GABRB3: variants seen among roughly 807,000 people sequenced by gnomAD.
GABRB3 encodes gamma-aminobutyric acid type A receptor subunit beta3.
GABRB3 carries 14 observed loss-of-function variants against 52.1 expected under a neutral mutation model. The ratio of observed to expected loss-of-function variants is 0.27; its 90% CI spans 0.18 to 0.42. GABRB3 has a LOEUF of 0.42. GABRB3 is among the 10% of genes least tolerant of loss of function. The pLI is 1.00. For synonymous variants in GABRB3, 260 were observed against 232.3 expected (o/e 1.12, Z -1.08); for missense variants, 307 against 609.1 (o/e 0.50, Z 5.22).
chr15:26,753,735 G>A (rs1890579822), intron 3 of GABRB3, among the ~76,000 whole-genome samples: 1 of 152,180 alleles, frequency 6.6e-6, no homozygotes, highest in African/African-American at 2.4e-5. Flanking sequence ...TTTTAGAAAG[G>A]AGACAGTGAA....
intron 3 of GABRB3, among the ~76,000 whole-genome samples, chr15:26,761,063 G>C (rs576210791): frequency 6.6e-6 from 1 of 152,228 alleles, no homozygotes; most frequent in African/African-American, 2.4e-5. Flanking sequence ...GCTACTATTA[G>C]TGACTATTCC....
At chr15:26,623,440 A>G (rs1047431767) in intron 3 of GABRB3, among the ~76,000 whole-genome samples, 16 of 151,992 alleles carry the variant, frequency 1.1e-4, no homozygotes, top group African/African-American at 3.6e-4. Context: ...GGCCCCTTCC[A>G]GGGCTGGCTA....
intron 4 of GABRB3, among the ~76,000 whole-genome samples, chr15:26,606,480 A>G (rs190411266): frequency 3.3e-4 from 51 of 152,252 alleles, no homozygotes; most frequent in Non-Finnish European, 1.5e-5. Flanking sequence ...TTCTCAACAT[A>G]TTAGGAATAG....
At chr15:26,740,729 G>A (rs1240884559) in intron 3 of GABRB3, among the ~76,000 whole-genome samples, 1 of 152,178 alleles carries the variant, frequency 6.6e-6, no homozygotes, top group Non-Finnish European at 1.5e-5. Context: ...TCAGGCAATA[G>A]GAGCCACATC....
In GABRB3 at chr15:26,555,171, G is replaced by A. The variant is rs372725497; in HGVS notation, c.1080+5761C>T. ...TGCACTCCAGCCTGGGCGACAGAGCGAGACTCCGTCATAAAAACAAAACAA... is the reference window on the plus strand; with the variant it reads ...TGCACTCCAGCCTGGGCGACAGAGCAAGACTCCGTCATAAAAACAAAACAA... On this transcript the variant is annotated intron_variant, in intron 8 of 8. Coordinates refer to ENST00000311550, the MANE Select transcript of GABRB3 (RefSeq NM_000814.6). Among the ~76,000 whole-genome samples, 8 of 152,240 alleles carry A rather than the reference G, an allele frequency of 5.3e-5. No individual in the cohort carries two copies. In the East Asian group the frequency reaches 1.2e-3, roughly 22 times the overall value.
chr15:26,575,637 AT>A (rs1890567711), intron 6 of GABRB3, among the ~76,000 whole-genome samples: 1 of 152,202 alleles, frequency 6.6e-6, no homozygotes, highest in African/African-American at 2.4e-5. Flanking sequence ...GAGTGCATGT[AT>A]TTACAAACAG....
intron 3 of GABRB3, among the ~76,000 whole-genome samples, chr15:26,703,241 C>T (rs1340766671): frequency 1.3e-5 from 2 of 152,152 alleles, no homozygotes; most frequent in African/African-American, 4.8e-5. Flanking sequence ...TTCCAAGATT[C>T]AGGCACCGGC....
chr15:26,653,803 T>C (rs369026378), intron 3 of GABRB3, among the ~76,000 whole-genome samples: 13 of 152,220 alleles, frequency 8.5e-5, no homozygotes. Context: ...ATACATCAAA[T>C]AAATGTTGGC....
chr15:26,666,104 C>G (rs1887702633), intron 3 of GABRB3, among the ~76,000 whole-genome samples: 1 of 152,156 alleles, frequency 6.6e-6, no homozygotes, highest in Non-Finnish European at 1.5e-5. Context: ...GGAAAGCATG[C>G]TTACATAAGT....
At chr15:26,616,859 G>A (rs1731200602) in intron 4 of GABRB3, among the ~76,000 whole-genome samples, 1 of 151,970 alleles carries the variant, frequency 6.6e-6, no homozygotes, top group South Asian at 2.1e-4. Flanking sequence ...TTATTACAGA[G>A]CTTTTTTATG....
In GABRB3 at chr15:26,581,940, C is replaced by T. The variant is rs370684768; in HGVS notation, c.544+1392G>A. 2.4e-4 allele frequency among the ~76,000 whole-genome samples: 8 copies of T among 32,944 alleles called. No individual in the cohort carries two copies. The East Asian group carries it at 4.0e-3, about 17-fold the overall frequency. 21.6% of individuals were successfully genotyped at this position (32,944 alleles called of 152,430 possible). ...CTCTAAATATCCCTTTGCTTACAAC[C>T]GTGCCTACATAATGTCCAGTAAGTA... is the stretch of plus-strand genomic sequence containing the variant. On this transcript the variant is annotated intron_variant, in intron 5 of 8. Coordinates refer to ENST00000311550, the MANE Select transcript of GABRB3 (RefSeq NM_000814.6).
intron 3 of GABRB3, among the ~76,000 whole-genome samples, chr15:26,725,080 A>C (rs1338957931): frequency 6.6e-6 from 1 of 152,128 alleles, no homozygotes; most frequent in Non-Finnish European, 1.5e-5. Context: ...ATTTCTAATT[A>C]ACTGCTGTCC....
intron 3 of GABRB3, among the ~76,000 whole-genome samples, chr15:26,623,006 T>C (rs540936950): frequency 1.8e-4 from 28 of 152,274 alleles, no homozygotes; most frequent in Non-Finnish European, 2.9e-4. Flanking sequence ...GCATTTTTTT[T>C]CCCAGACACT....
chr15:26,595,820 G>T (rs1290209176), intron 4 of GABRB3, among the ~76,000 whole-genome samples: 1 of 152,100 alleles, frequency 6.6e-6, no homozygotes, highest in Non-Finnish European at 1.5e-5. Flanking sequence ...GATTCACACA[G>T]CATTCTTGCC....
Position 26,547,247 on chromosome 15 carries a change from G to A in GABRB3, c.*546C>T. On this transcript the variant is annotated 3_prime_UTR_variant, in exon 9 of 9. Transcript: ENST00000311550. ...ACCCCATCACCAGAGAAGCCAAGAA[G>A]CCTTTGCTTACTAAACTGAACGAGA... 6.2e-6 allele frequency: 2 copies of A among 321,400 alleles called. No homozygotes were observed. The highest frequency in any genetic ancestry group is 1.1e-5 in the Non-Finnish European group (2 of 177,906). 19.9% of individuals were successfully genotyped at this position (321,400 alleles called of 1,614,324 possible). A position where few individuals can be genotyped will look rare whatever the true frequency, so the allele number is the denominator to read the frequency against.
At chr15:26,613,652 A>T (rs1332787390) in intron 4 of GABRB3, 1 of 152,148 alleles carries the variant, frequency 6.6e-6, no homozygotes. Flanking sequence ...ATAATGAACA[A>T]GACAGAAACC....
At position 26,657,387 on chromosome 15, in the gene GABRB3, C is replaced by T. The variant is rs116898746; in HGVS notation, c.241-35853G>A. The T allele has an allele frequency of 1.2e-3, 184 of 152,200 alleles. 1 individual carries two copies. The highest frequency in any genetic ancestry group is 5.0e-3 in the East Asian group (26 of 5,178). The allele number at this position is 152,200 out of a possible 1,614,324, so 9.4% of individuals were successfully genotyped here. The stretch of plus-strand genomic sequence containing the variant: ...TGCCAAATGCAATCCAAAGTTATTC[C>T]GACAATGAAACATTAACACATGAAT... On this transcript the variant is annotated intron_variant, in intron 3 of 8. Transcript: ENST00000311550.
chr15:26,544,463 A>G lies in GABRB3; in HGVS notation c.*3330T>C, dbSNP rs1889151686. 6.6e-6 allele frequency: 1 copy of G among 152,398 alleles called. No individual in the cohort carries two copies. Among genetic ancestry groups the G allele is most frequent in the Non-Finnish European group, 1.5e-5 (1 of 68,042 alleles). The allele number at this position is 152,398 out of a possible 1,614,324, so 9.4% of individuals were successfully genotyped here. ...TGGGTGCTGGCGTTAAAAACACAAT[A>G]TTGCAGATGTACAGGTAGCTTCCAA... is the stretch of plus-strand genomic sequence containing the variant. On this transcript the variant is annotated 3_prime_UTR_variant, in exon 9 of 9. Transcript: ENST00000311550.
chr15:26,642,549 T>G (rs922542949), intron 3 of GABRB3: 1 of 1,240,364 alleles, frequency 8.1e-7, no homozygotes, highest in African/African-American at 1.5e-5. Flanking sequence ...ATGAGAAACA[T>G]GAAGGACACT....
Sources: allele counts gnomAD v4.1 joint callset (sites outside exome capture counted in the v4.1 genomes callset), GRCh38; gene constraint gnomAD v4.1.1; transcripts MANE v1.5; gene names NCBI Gene and HGNC (gene_info 2026-07-23, HGNC 2026-07-21).